Variants in ADCY2 observed in about 807,000 individuals in gnomAD.
ADCY2 encodes the protein adenylate cyclase 2.
A neutral mutation model predicts 125.2 loss-of-function variants in ADCY2; 31 were observed. The ratio of observed to expected loss-of-function variants is 0.25; its 90% CI spans 0.19 to 0.33. The LOEUF (loss-of-function observed/expected upper bound fraction) is 0.33. Among genes scored for constraint, ADCY2 ranks in the 10% least tolerant of loss-of-function variants. The pLI is 1.00. For synonymous variants in ADCY2, 512 were observed against 548.4 expected, an observed-to-expected ratio of 0.93 and a Z score of 0.93; for missense variants, 904 against 1,418.2, an observed-to-expected ratio of 0.64 and a Z score of 5.82.
chr5:7,723,939 A>AAAAAAAAAAAAAAAAAAAC, intron 12 of ADCY2, among the ~76,000 whole-genome samples: 1 of 148,482 alleles, frequency 6.7e-6, no homozygotes, highest in African/African-American at 2.5e-5. Context: ...AAAAAAAAAA[A>AAAAAAAAAAAAAAAAAAAC]AAAAAGAGAA....
intron 2 of ADCY2, among the ~76,000 whole-genome samples, chr5:7,476,560 C>T (rs2126465233): frequency 6.6e-6 from 1 of 152,264 alleles, no homozygotes; most frequent in South Asian, 2.1e-4. Context: ...CTTTGGGTGT[C>T]ATCAGGAACT....
At chr5:7,825,191 G>A (rs551971211) in intron 24 of ADCY2, among the ~76,000 whole-genome samples, 2 of 152,122 alleles carry the variant, frequency 1.3e-5, no homozygotes, top group South Asian at 2.1e-4. Context: ...CCACGACAAC[G>A]CTGCTGTGCG....
intron 2 of ADCY2, among the ~76,000 whole-genome samples, chr5:7,437,023 A>C (rs57154858): frequency 6.6e-6 from 1 of 152,122 alleles, no homozygotes; most frequent in African/African-American, 2.4e-5. Context: ...AGGGGCCACC[A>C]GGATCAGGCC....
intron 3 of ADCY2, among the ~76,000 whole-genome samples, chr5:7,600,217 G>T: frequency 6.6e-6 from 1 of 152,182 alleles, no homozygotes; most frequent in East Asian, 1.9e-4. Context: ...GGAATCTGGA[G>T]AAATGCAAGC....
intron 17 of ADCY2, among the ~76,000 whole-genome samples, chr5:7,771,464 C>A (rs1579416363): frequency 6.6e-6 from 1 of 152,178 alleles, no homozygotes; most frequent in Non-Finnish European, 1.5e-5. Context: ...CTTTAACTCC[C>A]TGAAGAGTGA....
In ADCY2 at chr5:7,820,702, G is replaced by A. The variant is rs781078823; in HGVS notation, c.3123+13G>A. 1.7e-5 allele frequency: 28 copies of A among 1,612,266 alleles called. No homozygotes were observed. The highest frequency in any genetic ancestry group is 2.4e-5 in the Non-Finnish European group (28 of 1,178,974). ...GGACAAAATACAGGTAATGCAGAGT[G>A]TGGTCTGCGCTGCCTGCATCAACCA... is the stretch of plus-strand genomic sequence containing the variant. On this transcript the variant is annotated intron_variant, in intron 24 of 24. Coordinates refer to ENST00000338316, the MANE Select transcript of ADCY2 (RefSeq NM_020546.3).
chr5:7,814,630 GC>G (rs1182748232), intron 22 of ADCY2, among the ~76,000 whole-genome samples: 1 of 151,984 alleles, frequency 6.6e-6, no homozygotes, highest in Admixed American at 6.6e-5. Flanking sequence ...CTCCCCTTTA[GC>G]TACCACCTTA....
intron 4 of ADCY2, among the ~76,000 whole-genome samples, chr5:7,627,829 G>A (rs1295238679): frequency 6.6e-6 from 1 of 152,162 alleles, no homozygotes; most frequent in Non-Finnish European, 1.5e-5. Flanking sequence ...GGCTGTGGCA[G>A]GCATGGCTCT....
chr5:7,617,115 T>TC (rs1737791198), intron 3 of ADCY2, among the ~76,000 whole-genome samples: 1 of 152,168 alleles, frequency 6.6e-6, no homozygotes, highest in Non-Finnish European at 1.5e-5. Context: ...TCCCTTTTTT[T>TC]CCCATTGATC....
intron 2 of ADCY2, among the ~76,000 whole-genome samples, chr5:7,487,099 A>T (rs985627865): frequency 2.6e-5 from 4 of 152,226 alleles, no homozygotes; most frequent in Non-Finnish European, 5.9e-5. Context: ...ATGTCTTAAA[A>T]AGGCTATGTG....
rs559342280 is a variant in ADCY2 at position 7,717,882 on chromosome 5, G to A, written c.1703+645G>A. Among the ~76,000 whole-genome samples the A allele has an allele frequency of 3.9e-5, 6 of 152,298 alleles. No individual in the cohort carries two copies. The East Asian group carries it at 9.7e-4, about 25-fold the overall frequency. On this transcript the variant is annotated intron_variant, in intron 12 of 24. Transcript: ENST00000338316. ...TAACTGAACCCATGCAGAGCAGAAG[G>A]CACATGGCTCAGTATGGTGCCTGGT...
At chr5:7,758,202 A>G (rs1170771529) in intron 16 of ADCY2, among the ~76,000 whole-genome samples, 2 of 152,214 alleles carry the variant, frequency 1.3e-5, no homozygotes, top group East Asian at 1.9e-4. Context: ...TAAGGATTCA[A>G]TGAGCCAGTG....
chr5:7,518,001 A>T (rs761960844), intron 2 of ADCY2, among the ~76,000 whole-genome samples: 1 of 152,358 alleles, frequency 6.6e-6, no homozygotes, highest in African/African-American at 2.4e-5. Context: ...CATAAATGTT[A>T]TGTGTAGAAA....
In ADCY2 at chr5:7,826,946, C is replaced by A; in HGVS notation, c.*75C>A. 6.6e-7 allele frequency: 1 copy of A among 1,525,712 alleles called. No homozygotes were observed. The highest frequency in any genetic ancestry group is 8.8e-7 in the Non-Finnish European group (1 of 1,134,300). 94.5% of individuals were successfully genotyped at this position (1,525,712 alleles called of 1,614,324 possible). A position where few individuals can be genotyped will look rare whatever the true frequency, so the allele number is the denominator to read the frequency against. On this transcript the variant is annotated 3_prime_UTR_variant, in exon 25 of 25. Transcript: ENST00000338316. ...CACACTTTCTGACTGCAACTTCTGT[C>A]CCTTGTTTTTGATGTGCGTGCTGTC...
chr5:7,779,939 C>T (rs760326771), intron 18 of ADCY2, among the ~76,000 whole-genome samples: 13 of 152,256 alleles, frequency 8.5e-5, no homozygotes, highest in Non-Finnish European at 1.3e-4. Flanking sequence ...TGATACGGAG[C>T]GTGGGAACCC....
chr5:7,728,399 T>A (rs1448686087), intron 14 of ADCY2, among the ~76,000 whole-genome samples: 3 of 152,174 alleles, frequency 2.0e-5, no homozygotes, highest in Admixed American at 6.5e-5. Context: ...TCCTTAGCAA[T>A]GTGCTCCCTT....
At chr5:7,526,927 TG>T (rs1323149126) in intron 3 of ADCY2, among the ~76,000 whole-genome samples, 1 of 149,166 alleles carries the variant, frequency 6.7e-6, no homozygotes, top group Non-Finnish European at 1.5e-5. Flanking sequence ...CATTTCTATA[TG>T]ATACATCTAG....
intron 18 of ADCY2, among the ~76,000 whole-genome samples, chr5:7,776,181 A>G (rs1052488863): frequency 2.8e-5 from 4 of 143,490 alleles, no homozygotes; most frequent in Non-Finnish European, 4.5e-5. Flanking sequence ...CCCAATATGA[A>G]AGTGAGATCC....
chr5:7,560,778 T>C (rs2126587660), intron 3 of ADCY2, among the ~76,000 whole-genome samples: 1 of 152,146 alleles, frequency 6.6e-6, no homozygotes, highest in African/African-American at 2.4e-5. Flanking sequence ...AACCTCCACC[T>C]CCGAGATTCA....
Sources: allele counts gnomAD v4.1 joint callset (sites outside exome capture counted in the v4.1 genomes callset), GRCh38; gene constraint gnomAD v4.1.1; transcripts MANE v1.5; gene names NCBI Gene and HGNC (gene_info 2026-07-23, HGNC 2026-07-21).